The following PFAS variants were observed in gnomAD, a reference collection of about 807,000 sequenced individuals.
The protein encoded by PFAS is phosphoribosylformylglycinamidine synthase, also known as FGAM synthase.
PFAS carries 97 observed loss-of-function variants against 140.6 expected under a neutral mutation model. That is an observed-to-expected ratio of 0.69 (90% CI 0.59 to 0.82). The LOEUF (loss-of-function observed/expected upper bound fraction) is 0.82, where lower values mean the gene tolerates loss of function less well. Ranked by LOEUF, PFAS falls within the 40% of genes least tolerant of loss-of-function variation. PFAS has a pLI of 0.00. For missense variants in PFAS, 1,656 were observed against 1,780.2 expected (o/e 0.93, Z 1.26); for synonymous variants, 679 against 718.8 (o/e 0.94, Z 0.88).
intron 20 of PFAS, 102 bp from the exon 21 acceptor site, chr17:8,265,760 C>A: frequency 1.5e-6 from 2 of 1,340,742 alleles, no homozygotes; most frequent in Non-Finnish European, 2.1e-6. Flanking sequence ...GACTGATTGT[C>A]TAGGTGTCTC....
intron 15 of PFAS, 27 bp from the exon 16 acceptor site, chr17:8,264,185 T>C: frequency 1.2e-6 from 2 of 1,612,936 alleles, no homozygotes; most frequent in Non-Finnish European, 1.7e-6. Context: ...TCTCATCCCC[T>C]CTGGGTGGGG....
Position 8,268,555 on chromosome 17 carries a change from T to G in PFAS, c.3405T>G (p.Phe1135Leu). ...SAKGWAAAVT[F>L]HPRAGAELRR... ...TAGGGTGGGCAGCTGCTGTGACCTT[T>G]CATCCCAGGGCTGGGGCTGAGCTGA... Residue 1135 changes from phenylalanine (F) to leucine (L), a missense_variant, in exon 27 of 28, where the codon TTT becomes TTG. Phe to Leu is a conservative substitution (Grantham distance 22, BLOSUM62 0). Transcript: ENST00000314666. 1.9e-6 allele frequency: 3 copies of G among 1,612,250 alleles called. No individual in the cohort carries two copies. The highest frequency in any genetic ancestry group is 2.2e-5 in the East Asian group (1 of 44,826).
At chr17:8,251,254 C>T (rs1024068361) in intron 1 of PFAS, among the ~76,000 whole-genome samples, 2 of 152,060 alleles carry the variant, frequency 1.3e-5, no homozygotes, top group African/African-American at 2.4e-5. Context: ...CCACTGTACT[C>T]CAGCCTGGCA....
At position 8,266,423 on chromosome 17, in the gene PFAS, A is replaced by AT; in HGVS notation, c.2821+72dup. 1 of 1,595,622 alleles carries AT rather than the reference A, an allele frequency of 6.3e-7. No homozygotes were observed. Among genetic ancestry groups the AT allele is most frequent in the Non-Finnish European group, 8.5e-7 (1 of 1,170,136 alleles). On this transcript the variant is annotated intron_variant, in intron 22 of 27. Transcript: ENST00000314666. This position sits in a 1 kb window ranked among gnomAD's most constrained non-coding sequence, Gnocchi z 5.0. ...ACCCTGCAGACCCCATTTCCAATAT[A>AT]TTAAAGAGTGGAGTGCCCTCCAGTC...
intron 7 of PFAS, 23 bp from the exon 8 acceptor site, chr17:8,256,501 G>C: frequency 6.2e-7 from 1 of 1,613,930 alleles, no homozygotes; most frequent in African/African-American, 1.3e-5. Flanking sequence ...AGGAAGCAAG[G>C]TCCATGACGG....
At position 8,266,297 on chromosome 17, in the gene PFAS, T is replaced by C; in HGVS notation, c.2765T>C (p.Met922Thr). Residue 922 changes from methionine (M) to threonine (T), a missense_variant, in exon 22 of 28, where the codon ATG (methionine) becomes ACG (threonine). Met to Thr is a moderately conservative substitution (Grantham distance 81). Coordinates refer to ENST00000314666, the MANE Select transcript of PFAS (RefSeq NM_012393.3). The surrounding 1 kb of genome is among the most constrained non-coding windows in gnomAD (Gnocchi z 5.0). The stretch of plus-strand genomic sequence containing the variant: ...GGCCTCGTCACATGCCTGCTGGAGA[T>C]GGCCTTTGCTGGAAATTGCGGGCTA... ...DGGLVTCLLEMAFAGNCGLQV... is the reference protein window; with the variant it reads ...DGGLVTCLLETAFAGNCGLQV... 1 of 1,614,064 alleles carries C rather than the reference T, an allele frequency of 6.2e-7. No homozygotes were observed. The highest frequency in any genetic ancestry group is 8.5e-7 in the Non-Finnish European group (1 of 1,179,980).
chr17:8,267,964 ATTAT>A lies in PFAS; in HGVS notation c.3382+304_3382+307del, dbSNP rs1041944815. 1.1e-3 allele frequency among the ~76,000 whole-genome samples: 153 copies of A among 143,902 alleles called. No homozygotes were observed. The highest frequency in any genetic ancestry group is 3.6e-3 in the African/African-American group (141 of 39,636). The allele number at this position is 143,902 out of a possible 152,430, so 94.4% of individuals were successfully genotyped here. A position where few individuals can be genotyped will look rare whatever the true frequency, so the allele number is the denominator to read the frequency against. On this transcript the variant is annotated intron_variant, in intron 26 of 27. Coordinates refer to ENST00000314666, the MANE Select transcript of PFAS (RefSeq NM_012393.3). The surrounding 1 kb of genome is among the most constrained non-coding windows in gnomAD (Gnocchi z 4.9). ...TTATTTATATATTATTAAAATATAT[ATTAT>A]TTATATATATTATTTATATATTATT...
In PFAS at chr17:8,267,064, G is replaced by A; in HGVS notation, c.3004G>A (p.Glu1002Lys). The A allele has an allele frequency of 6.2e-7, 1 of 1,614,040 alleles. No homozygotes were observed. Among genetic ancestry groups the A allele is most frequent in the Non-Finnish European group, 8.5e-7 (1 of 1,180,022 alleles). ...VSVNGAVVLE[E>K]PVGELRALWE... ...AGTGAACGGGGCTGTGGTTCTGGAG[G>A]AGCCTGTTGGGGAGCTGCGAGCCCT... The change falls in exon 24 of 28, where the codon GAG becomes AAG. Residue 1002 changes from glutamate to lysine, a missense_variant. Glu to Lys is a moderately conservative substitution (Grantham distance 56). This residue lies in a region of PFAS where 883 missense variants were observed against 1,023.0 expected (regional missense o/e 0.86). Coordinates refer to ENST00000314666, the MANE Select transcript of PFAS (RefSeq NM_012393.3). The surrounding 1 kb of genome is among the most constrained non-coding windows in gnomAD (Gnocchi z 4.9).
In PFAS at chr17:8,264,943, C is replaced by T. The variant is rs777562272; in HGVS notation, c.2098C>T (p.Pro700Ser). ...GGTGGCCCAGCAGCAGTGCGTGGGG[C>T]CCCTGCAAACTCCTCTGGCAGATGT... ...GLVAQQQCVG[P>S]LQTPLADVAV... The change falls in exon 18 of 28, where the codon CCC becomes TCC. Residue 700 changes from proline to serine, a missense_variant. Physicochemically the swap from Pro to Ser is moderately conservative, Grantham distance 74 (BLOSUM62 -1). This residue lies in a region of PFAS where 883 missense variants were observed against 1,023.0 expected (regional missense o/e 0.86). Transcript: ENST00000314666. 1 of 1,608,726 alleles carries T rather than the reference C, an allele frequency of 6.2e-7. No homozygotes were observed. The highest frequency in any genetic ancestry group is 1.7e-5 in the Admixed American group (1 of 59,612).
intron 11 of PFAS, 121 bp downstream of exon 11, chr17:8,258,320 G>A (rs1407178640): frequency 7.4e-6 from 8 of 1,084,674 alleles, no homozygotes; most frequent in African/African-American, 4.7e-5. Flanking sequence ...CTTATCTTAT[G>A]TGTCACATAA....
Position 8,257,890 on chromosome 17 carries a change from A to T in PFAS, c.1159A>T (p.Asn387Tyr), listed in dbSNP as rs370517140. 2.5e-6 allele frequency: 4 copies of T among 1,614,130 alleles called. No individual in the cohort carries two copies. Among genetic ancestry groups the T allele is most frequent in the Non-Finnish European group, 3.4e-6 (4 of 1,179,990 alleles). ...RPLEVAIEAS[N>Y]GASDYGNKFG... ...CCTGGAGGTTGCCATTGAAGCCAGTAATGGAGCTTCTGACTATGGCAACAA... is the reference window on the plus strand; with the variant it reads ...CCTGGAGGTTGCCATTGAAGCCAGTTATGGAGCTTCTGACTATGGCAACAA... The change falls in exon 10 of 28, where the codon AAT (asparagine) becomes TAT (tyrosine). Residue 387 changes from asparagine to tyrosine, a missense_variant. Coordinates refer to ENST00000314666, the MANE Select transcript of PFAS (RefSeq NM_012393.3).
At chr17:8,268,437 A>G (rs1989917014) in intron 26 of PFAS, 96 bp from the exon 27 acceptor site, 4 of 831,262 alleles carry the variant, frequency 4.8e-6, no homozygotes, top group Admixed American at 2.7e-5. Flanking sequence ...GGAAGAAAGA[A>G]AAAAGAAAAG....
rs748802486 is a variant in PFAS, at chr17:8,264,347, G to C, written c.1917+10G>C. On this transcript the variant is annotated intron_variant, in intron 16 of 27. Transcript: ENST00000314666. ...CAAGATGCCTCGGAAGGTATGTGGG[G>C]TTGAGGGGATGGGTTTTTCCTGTGG... is the stretch of plus-strand genomic sequence containing the variant. 3.1e-6 allele frequency: 5 copies of C among 1,613,656 alleles called. No individual in the cohort carries two copies. Among genetic ancestry groups the C allele is most frequent in the Non-Finnish European group, 4.2e-6 (5 of 1,179,784 alleles).
At position 8,269,174 on chromosome 17, in the gene PFAS, G is replaced by A. The variant is rs1567648113; in HGVS notation, c.3927G>A (p.Trp1309Ter). 5 of 1,613,786 alleles carry A rather than the reference G, an allele frequency of 3.1e-6. No homozygotes were observed. The highest frequency in any genetic ancestry group is 4.2e-6 in the Non-Finnish European group (5 of 1,179,994). The change falls in exon 28 of 28, where the codon TGG becomes TGA. Residue 1309 changes from tryptophan (W) to a stop codon, truncating the protein, a stop_gained. Transcript: ENST00000314666. LOFTEE classifies it high-confidence loss of function. ...CCGTTAGGCCTTGGCAGTGGGCATG[G>A]CGACCCCCTCCATTTGATACTCTGA... is the stretch of plus-strand genomic sequence containing the variant. ...ERAVRPWQWA[W>*]RPPPFDTLTT... is the part of the protein sequence containing the mutation.
intron 20 of PFAS, 40 bp downstream of exon 20, chr17:8,265,679 T>G: frequency 6.4e-7 from 1 of 1,574,090 alleles, no homozygotes; most frequent in Non-Finnish European, 8.7e-7. Flanking sequence ...TTTGCTTGTG[T>G]GATCTTTGTT....
chr17:8,255,652 G>C lies in PFAS; in HGVS notation c.535G>C (p.Glu179Gln). 2 of 1,584,258 alleles carry C rather than the reference G, an allele frequency of 1.3e-6. No individual in the cohort carries two copies. Among genetic ancestry groups the C allele is most frequent in the Non-Finnish European group, 1.7e-6 (2 of 1,167,110 alleles). The change falls in exon 5 of 28, where the codon GAG becomes CAG. Residue 179 changes from glutamate (E) to glutamine (Q), a missense_variant. Transcript: ENST00000314666. ...PLNGPINILG[E>Q]GRLALEKANQ... ...CAATGGCCCTATCAATATACTGGGT[G>C]AGGGCCGGCTTGCGCTGGAGAAGGC...
In PFAS at chr17:8,269,577, T is replaced by C. The variant is rs562407619; in HGVS notation, c.*313T>C. ...CGAACAGGGGCTTCTGTTGCCCACT[T>C]CACAACACCCAGTGATCACCGGTGT... On this transcript the variant is annotated 3_prime_UTR_variant, in exon 28 of 28. Coordinates refer to ENST00000314666, the MANE Select transcript of PFAS (RefSeq NM_012393.3). 6.4e-5 allele frequency: 20 copies of C among 313,422 alleles called. No individual in the cohort carries two copies. The East Asian group carries it at 1.0e-3, about 16-fold the overall frequency. 19.4% of individuals were successfully genotyped at this position (313,422 alleles called of 1,614,324 possible).
rs1372168616 is a variant in PFAS, at chr17:8,267,556, G to A, written c.3273G>A (p.Trp1091Ter). Residue 1091 changes from tryptophan (W) to a stop codon, truncating the protein, a stop_gained, in exon 26 of 28, where the codon TGG (tryptophan) becomes TGA (stop). Transcript: ENST00000314666. LOFTEE classifies it high-confidence loss of function. This position sits in a 1 kb window ranked among gnomAD's most constrained non-coding sequence, Gnocchi z 4.9. Reference sequence around the variant, plus strand: ...CCCCCTCCCCACCTTCGCAGGTATGGGACGTGACCATGCAGGACCTCTGCT... The same window carrying A: ...CCCCCTCCCCACCTTCGCAGGTATGAGACGTGACCATGCAGGACCTCTGCT... ...DAFHLAGFEVWDVTMQDLCSG... is the reference protein window; with the variant it reads ...DAFHLAGFEV 6.2e-7 allele frequency: 1 copy of A among 1,609,982 alleles called. No homozygotes were observed. The highest frequency in any genetic ancestry group is 1.7e-5 in the Admixed American group (1 of 59,976).
In PFAS at chr17:8,258,198, A is replaced by G. The variant is rs2151582805; in HGVS notation, c.1335A>G (p.Pro445=). The G allele has an allele frequency of 6.2e-7, 1 of 1,613,910 alleles. No individual in the cohort carries two copies. The highest frequency in any genetic ancestry group is 1.1e-5 in the South Asian group (1 of 91,074). ...ACATAAGCAAGGAGGCCCCAGAGCC[A>G]GGTAAGAGCCTGCCACCTTTCTCTG... is the stretch of plus-strand genomic sequence containing the variant. ...ADHISKEAPE[P]GMEVVKVGGP... is the part of the protein sequence containing the mutation. Residue 445 remains proline (P), a splice_region_variant and synonymous_variant, in exon 11 of 28, where the codon CCA becomes CCG. Coordinates refer to ENST00000314666, the MANE Select transcript of PFAS (RefSeq NM_012393.3).
Sources: gnomAD v4.1 joint callset for allele counts (sites outside exome capture counted in the v4.1 genomes callset) on GRCh38, gnomAD v4.1.1 for gene constraint, gnomAD v4.1.1 regional missense constraint, Gnocchi (gnomAD v3.1) non-coding constraint, MANE v1.5 for transcripts, NCBI Gene and HGNC (gene_info 2026-07-23, HGNC 2026-07-21) for gene names.